CAMTA1: variants seen among roughly 807,000 people sequenced by gnomAD.
The protein encoded by CAMTA1 is calmodulin binding transcription activator 1.
Under a neutral mutation model 170.9 loss-of-function variants are expected in CAMTA1, and 27 were observed. That is an observed-to-expected ratio of 0.16 (90% confidence interval 0.12 to 0.22). CAMTA1 has a LOEUF of 0.22. CAMTA1 is among the 10% of genes least tolerant of loss of function. The probability of loss-of-function intolerance (pLI) is 1.00; values close to 1 mark genes in which losing one functional copy is unlikely to be tolerated. For synonymous variants in CAMTA1, 833 were observed against 891.5 expected (o/e 0.93, Z 1.17); for missense variants, 1,619 against 2,217.2 (o/e 0.73, Z 5.42).
chr1:7,647,832 C>A (rs2095820087), intron 7 of CAMTA1, among the ~76,000 whole-genome samples: 1 of 152,324 alleles, frequency 6.6e-6, no homozygotes, highest in South Asian at 2.1e-4. Flanking sequence ...GCCTGTAATC[C>A]CAGCACTCTG....
intron 3 of CAMTA1, among the ~76,000 whole-genome samples, chr1:6,852,123 G>T (rs1198290423): frequency 6.6e-6 from 1 of 151,850 alleles, no homozygotes; most frequent in African/African-American, 2.4e-5. Context: ...TTCTCAGAAG[G>T]CAATGAACTA....
At chr1:7,700,169 T>C (rs549360697) in intron 11 of CAMTA1, among the ~76,000 whole-genome samples, 49 of 151,606 alleles carry the variant, frequency 3.2e-4, no homozygotes, top group Non-Finnish European at 5.7e-4. Flanking sequence ...CTCTTATATG[T>C]AGGTCTTTGA....
chr1:7,623,983 T>C (rs1468197040), intron 6 of CAMTA1, among the ~76,000 whole-genome samples: 1 of 152,216 alleles, frequency 6.6e-6, no homozygotes, highest in African/African-American at 2.4e-5. Flanking sequence ...AAATAGAACA[T>C]TTTGAGTGAA....
At position 7,642,133 on chromosome 1, in the gene CAMTA1, C is replaced by T. The variant is rs187650554; in HGVS notation, c.664+1580C>T. ...ACCACCCAGCTGGGCCTTCACACCC[C>T]TGTGCCCTGGCCTCCTCGAGCCCCC... On this transcript the variant is annotated intron_variant, in intron 7 of 22. Coordinates refer to ENST00000303635, the MANE Select transcript of CAMTA1 (RefSeq NM_015215.4). This position sits in a 1 kb window ranked among gnomAD's most constrained non-coding sequence, Gnocchi z 6.3. Among the ~76,000 whole-genome samples the T allele has an allele frequency of 2.5e-3, 386 of 152,296 alleles. 1 individual carries two copies. Among genetic ancestry groups the T allele is most frequent in the South Asian group, 5.8e-3 (28 of 4,830 alleles).
In CAMTA1 at chr1:7,364,711, TGGGAGA is replaced by T. The variant is rs1355649833; in HGVS notation, c.439-103115_439-103110del. On this transcript the variant is annotated intron_variant, in intron 5 of 22. Coordinates refer to ENST00000303635, the MANE Select transcript of CAMTA1 (RefSeq NM_015215.4). ...GATGCGTGAGATGCTTTCTGGGCAG[TGGGAGA>T]GGGTATCCCAGTGTGCTGTGGGCTC... Among the ~76,000 whole-genome samples, 3 of 151,978 alleles carry T rather than the reference TGGGAGA, an allele frequency of 2.0e-5. No individual in the cohort carries two copies. In the East Asian group the frequency reaches 5.8e-4, roughly 29 times the overall value.
At chr1:7,632,888 G>C (rs2095681541) in intron 6 of CAMTA1, among the ~76,000 whole-genome samples, 1 of 152,256 alleles carries the variant, frequency 6.6e-6, no homozygotes, top group African/African-American at 2.4e-5. Flanking sequence ...GAGGTGCAGA[G>C]CTCAGCTCCC....
chr1:7,400,544 G>GT (rs1275856148), intron 5 of CAMTA1, among the ~76,000 whole-genome samples: 248 of 149,534 alleles, frequency 1.7e-3, no homozygotes, highest in African/African-American at 4.9e-3. Context: ...TTTCTTTGTT[G>GT]TTTTTTTTTC....
chr1:7,532,144 G>C lies in CAMTA1; in HGVS notation c.510+64243G>C, dbSNP rs1331458633. 6.6e-6 allele frequency among the ~76,000 whole-genome samples: 1 copy of C among 152,102 alleles called. No homozygotes were observed. Among genetic ancestry groups the C allele is most frequent in the Non-Finnish European group, 1.5e-5 (1 of 68,010 alleles). ...TACCTGGAGGCTCCCGGGCCCACCCGAGCCCTAAGCTGCAGCCCTTGGGAC... is the reference window on the plus strand; with the variant it reads ...TACCTGGAGGCTCCCGGGCCCACCCCAGCCCTAAGCTGCAGCCCTTGGGAC... On this transcript the variant is annotated intron_variant, in intron 6 of 22. Coordinates refer to ENST00000303635, the MANE Select transcript of CAMTA1 (RefSeq NM_015215.4). This position sits in a 1 kb window ranked among gnomAD's most constrained non-coding sequence, Gnocchi z 4.2.
At chr1:6,929,940 G>T (rs1400968353) in intron 3 of CAMTA1, among the ~76,000 whole-genome samples, 1 of 152,186 alleles carries the variant, frequency 6.6e-6, no homozygotes, top group Non-Finnish European at 1.5e-5. Context: ...GCCCTCGGTG[G>T]AACTTAGTAA....
rs146438797 is a variant in CAMTA1, at chr1:7,471,287, G to A, written c.510+3386G>A. Among the ~76,000 whole-genome samples the A allele has an allele frequency of 5.4e-3, 828 of 152,344 alleles. 3 individuals carry two copies. Among genetic ancestry groups the A allele is most frequent in the Non-Finnish European group, 9.4e-3 (641 of 68,026 alleles). The stretch of plus-strand genomic sequence containing the variant: ...TCTATTAGGCTATGAGCGAGGAGAC[G>A]GGCAGGGAGCCTCTCACAGGCAGGG... On this transcript the variant is annotated intron_variant, in intron 6 of 22. Coordinates refer to ENST00000303635, the MANE Select transcript of CAMTA1 (RefSeq NM_015215.4).
intron 1 of CAMTA1, among the ~76,000 whole-genome samples, chr1:6,810,926 C>G (rs563940683): frequency 6.6e-6 from 1 of 152,174 alleles, no homozygotes; most frequent in South Asian, 2.1e-4. Flanking sequence ...TCAGGTGAGG[C>G]CTTGGAGGAT....
intron 5 of CAMTA1, among the ~76,000 whole-genome samples, chr1:7,323,204 C>T (rs1678725922): frequency 6.6e-6 from 1 of 151,972 alleles, no homozygotes; most frequent in African/African-American, 2.4e-5. Flanking sequence ...GTCAGTAGCA[C>T]CACTGTCACT....
At chr1:7,021,598 T>C (rs1701368809) in intron 3 of CAMTA1, among the ~76,000 whole-genome samples, 2 of 152,128 alleles carry the variant, frequency 1.3e-5, no homozygotes, top group Non-Finnish European at 2.9e-5. Flanking sequence ...AGGAGGGACA[T>C]TGGATGAGGG....
intron 3 of CAMTA1, among the ~76,000 whole-genome samples, chr1:7,042,196 C>T (rs2101387812): frequency 6.6e-6 from 1 of 152,280 alleles, no homozygotes; most frequent in South Asian, 2.1e-4. Context: ...GATCATGGCC[C>T]CTGGGATTTT....
rs367644253 is a variant in CAMTA1, at chr1:7,150,508, C to T, written c.302+59137C>T. Among the ~76,000 whole-genome samples, 19 of 152,170 alleles carry T rather than the reference C, an allele frequency of 1.2e-4. No individual in the cohort carries two copies. The South Asian group carries it at 2.3e-3, about 18-fold the overall frequency. On this transcript the variant is annotated intron_variant, in intron 4 of 22. Coordinates refer to ENST00000303635, the MANE Select transcript of CAMTA1 (RefSeq NM_015215.4). ...GGACATTCCAGGCTGGATAATTCTT[C>T]GTTGTTAGGGCCATCCTGGGCATGG...
chr1:7,657,317 A>G (rs2095912880), intron 7 of CAMTA1, among the ~76,000 whole-genome samples: 1 of 152,176 alleles, frequency 6.6e-6, no homozygotes, highest in Non-Finnish European at 1.5e-5. Flanking sequence ...AGCTGCAGAG[A>G]GGGTCCCTCT....
At chr1:7,082,040 C>A (rs1640081311) in intron 3 of CAMTA1, among the ~76,000 whole-genome samples, 1 of 152,234 alleles carries the variant, frequency 6.6e-6, no homozygotes, top group Non-Finnish European at 1.5e-5. Flanking sequence ...TCCCCACTCC[C>A]ATGGCCTTAG....
At chr1:7,273,183 A>T (rs1343453663) in intron 5 of CAMTA1, among the ~76,000 whole-genome samples, 1 of 152,216 alleles carries the variant, frequency 6.6e-6, no homozygotes, top group Non-Finnish European at 1.5e-5. Flanking sequence ...TGTGGAAAAC[A>T]TTCTGGCAGT....
At chr1:7,433,098 G>A (rs1452680999) in intron 5 of CAMTA1, among the ~76,000 whole-genome samples, 1 of 152,236 alleles carries the variant, frequency 6.6e-6, no homozygotes, top group African/African-American at 2.4e-5. Flanking sequence ...GGTCCCTGTG[G>A]CCTTATTCAA....
Sources: gnomAD v4.1 joint callset for allele counts (sites outside exome capture counted in the v4.1 genomes callset) on GRCh38, gnomAD v4.1.1 for gene constraint, Gnocchi (gnomAD v3.1) non-coding constraint, MANE v1.5 for transcripts, NCBI Gene and HGNC (gene_info 2026-07-23, HGNC 2026-07-21) for gene names.